EEFSEC: variants seen among roughly 807,000 people sequenced by gnomAD.
EEFSEC encodes the protein eukaryotic elongation factor, selenocysteine-tRNA specific, also known as selenocysteine-specific elongation factor.
EEFSEC carries 43 observed loss-of-function variants against 42.1 expected under a neutral mutation model. The ratio of observed to expected loss-of-function variants is 1.02; its 90% CI spans 0.80 to 1.32. The LOEUF (loss-of-function observed/expected upper bound fraction) is 1.32. Ranked by LOEUF, EEFSEC falls within the 40% of genes most tolerant of loss-of-function variation. The pLI is 0.00. For synonymous variants in EEFSEC, 354 were observed against 339.1 expected (o/e 1.04, Z -0.48); for missense variants, 745 against 803.6 (o/e 0.93, Z 0.88).
At chr3:128,288,249 C>T (rs2066607458) in intron 4 of EEFSEC, among the ~76,000 whole-genome samples, 1 of 152,140 alleles carries the variant, frequency 6.6e-6, no homozygotes, top group Non-Finnish European at 1.5e-5. Flanking sequence ...AGACAAAACT[C>T]GGCTCTGAGG....
chr3:128,258,222 A>C (rs1305069358), intron 2 of EEFSEC, among the ~76,000 whole-genome samples: 1 of 152,124 alleles, frequency 6.6e-6, no homozygotes, highest in East Asian at 1.9e-4. Flanking sequence ...CCAGGCTGGC[A>C]CTGGGCTCAA....
At chr3:128,388,947 G>A (rs1175746839) in intron 6 of EEFSEC, among the ~76,000 whole-genome samples, 1 of 152,224 alleles carries the variant, frequency 6.6e-6, no homozygotes, top group Admixed American at 6.5e-5. Flanking sequence ...AGGAGCCTGA[G>A]GAACTGCCTG....
At chr3:128,372,692 C>A (rs2067668083) in intron 6 of EEFSEC, among the ~76,000 whole-genome samples, 1 of 152,168 alleles carries the variant, frequency 6.6e-6, no homozygotes, top group Admixed American at 6.5e-5. Context: ...GTGTAGAAAT[C>A]CACTCTTTTG....
intron 6 of EEFSEC, among the ~76,000 whole-genome samples, chr3:128,380,201 C>T (rs906342307): frequency 6.6e-6 from 1 of 152,216 alleles, no homozygotes. Context: ...AGCCGAGGCC[C>T]CGAGAGCCTC....
At position 128,403,836 on chromosome 3, in the gene EEFSEC, C is replaced by T. The variant is rs528667601; in HGVS notation, c.1601-4233C>T. Among the ~76,000 whole-genome samples the T allele has an allele frequency of 2.6e-5, 4 of 152,328 alleles. No individual in the cohort carries two copies. The South Asian group carries it at 8.3e-4, about 32-fold the overall frequency. On this transcript the variant is annotated intron_variant, in intron 6 of 6. Coordinates refer to ENST00000254730, the MANE Select transcript of EEFSEC (RefSeq NM_021937.5). ...TCCCTTGGAGCATGCTGAAGCAGCC[C>T]TGTCCCCACACAGTGACTGCGGTGC...
intron 4 of EEFSEC, among the ~76,000 whole-genome samples, chr3:128,296,759 A>G (rs190139123): frequency 6.6e-6 from 1 of 152,284 alleles, no homozygotes; most frequent in Admixed American, 6.5e-5. Flanking sequence ...TGCCCCTGAG[A>G]TGGCCTGAAA....
At chr3:128,296,103 C>A (rs2066703383) in intron 4 of EEFSEC, among the ~76,000 whole-genome samples, 1 of 152,152 alleles carries the variant, frequency 6.6e-6, no homozygotes, top group East Asian at 1.9e-4. Flanking sequence ...GTACTGGGAG[C>A]TGAGCTTGCC....
At position 128,153,703 on chromosome 3, in the gene EEFSEC, T is replaced by G; in HGVS notation, c.196T>G (p.Ser66Ala). ...FSVPLPARLR[S>A]SLPEFQAAPE... The stretch of plus-strand genomic sequence containing the variant: ...GGTGCCGCTGCCCGCGCGCCTGCGG[T>G]CGTCTTTGCCCGAGTTCCAGGCAGC... Residue 66 changes from serine (S) to alanine (A), a missense_variant, in exon 1 of 7, where the codon TCG (serine) becomes GCG (alanine). By Grantham distance (99) the Ser-to-Ala change is moderately conservative. Coordinates refer to ENST00000254730, the MANE Select transcript of EEFSEC (RefSeq NM_021937.5). The G allele has an allele frequency of 1.9e-6, 3 of 1,588,620 alleles. No individual in the cohort carries two copies. The highest frequency in any genetic ancestry group is 2.6e-6 in the Non-Finnish European group (3 of 1,175,590).
intron 2 of EEFSEC, among the ~76,000 whole-genome samples, chr3:128,247,788 A>C (rs146833426): frequency 3.9e-4 from 60 of 152,078 alleles, no homozygotes; most frequent in African/African-American, 1.4e-3. Context: ...GGCAGCAGAG[A>C]GGAGAAGGAG....
At chr3:128,265,745 A>C in intron 4 of EEFSEC, among the ~76,000 whole-genome samples, 1 of 152,186 alleles carries the variant, frequency 6.6e-6, no homozygotes, top group South Asian at 2.1e-4. Context: ...AGGCATTTTA[A>C]GGTTGTCTGG....
chr3:128,406,812 CACACACACACACA>C (rs924803439), intron 6 of EEFSEC, among the ~76,000 whole-genome samples: 6 of 150,846 alleles, frequency 4.0e-5, no homozygotes, highest in African/African-American at 1.2e-4. Context: ...GACCCTGTCA[CACACACACACACA>C]ACACACACAC....
intron 4 of EEFSEC, among the ~76,000 whole-genome samples, chr3:128,314,097 C>T (rs1030107418): frequency 3.3e-5 from 5 of 152,208 alleles, no homozygotes; most frequent in African/African-American, 1.2e-4. Flanking sequence ...TAAGGACATG[C>T]TGCTCTCTCT....
At chr3:128,188,456 G>T (rs550582342) in intron 1 of EEFSEC, among the ~76,000 whole-genome samples, 1 of 152,272 alleles carries the variant, frequency 6.6e-6, no homozygotes, top group South Asian at 2.1e-4. Flanking sequence ...CCAATCAGGT[G>T]CAGCTTTTGG....
intron 1 of EEFSEC, among the ~76,000 whole-genome samples, chr3:128,243,486 G>C (rs2999073): frequency 0.84 from 127,734 of 152,244 alleles, 54,057 homozygotes; most frequent in East Asian, 0.99. Flanking sequence ...CAGATTCCTG[G>C]TGAATAAAGT....
At chr3:128,404,459 C>A (rs1310739707) in intron 6 of EEFSEC, among the ~76,000 whole-genome samples, 1 of 152,254 alleles carries the variant, frequency 6.6e-6, no homozygotes, top group African/African-American at 2.4e-5. Context: ...GTCTCCCCAG[C>A]CCAGCACAGA....
At chr3:128,250,911 G>GAT (rs1553747268) in intron 2 of EEFSEC, among the ~76,000 whole-genome samples, 3 of 108,596 alleles carry the variant, frequency 2.8e-5, no homozygotes, top group Non-Finnish European at 5.4e-5. Context: ...GTTTTTTTTG[G>GAT]TTTTTTTTTT....
chr3:128,306,829 A>G (rs553727960), intron 4 of EEFSEC, among the ~76,000 whole-genome samples: 1 of 152,370 alleles, frequency 6.6e-6, no homozygotes, highest in South Asian at 2.1e-4. Context: ...AGGTCACTCA[A>G]TTGCTAATTG....
At chr3:128,175,031 C>T (rs974390972) in intron 1 of EEFSEC, among the ~76,000 whole-genome samples, 4 of 151,976 alleles carry the variant, frequency 2.6e-5, no homozygotes, top group African/African-American at 7.3e-5. Context: ...ATAAAGCTGG[C>T]CTCTCTCCTG....
At chr3:128,279,042 G>A (rs1221760835) in intron 4 of EEFSEC, among the ~76,000 whole-genome samples, 1 of 152,198 alleles carries the variant, frequency 6.6e-6, no homozygotes, top group East Asian at 1.9e-4. Flanking sequence ...GTGGATCCTG[G>A]TATTTTCCTT....
Sources: allele counts gnomAD v4.1 joint callset (sites outside exome capture counted in the v4.1 genomes callset), GRCh38; gene constraint gnomAD v4.1.1; transcripts MANE v1.5; gene names NCBI Gene and HGNC (gene_info 2026-07-23, HGNC 2026-07-21).